Variants in ZNF106 observed in about 807,000 individuals in gnomAD.
The protein encoded by ZNF106 is zinc finger protein 106.
ZNF106 carries 67 observed loss-of-function variants against 195.1 expected under a neutral mutation model. That is an observed-to-expected ratio of 0.34 (90% confidence interval 0.28 to 0.42). ZNF106 has a LOEUF of 0.42. Ranked by LOEUF, ZNF106 falls within the 10% of genes least tolerant of loss-of-function variation. The pLI is 1.00. For synonymous variants in ZNF106, 784 were observed against 818.6 expected (o/e 0.96, Z 0.72); for missense variants, 2,118 against 2,304.5 (o/e 0.92, Z 1.66).
chr15:42,445,572 C>CGTGG, intron 7 of ZNF106, among the ~76,000 whole-genome samples: 1 of 152,352 alleles, frequency 6.6e-6, no homozygotes, highest in South Asian at 2.1e-4. Context: ...TTAAGCTCCA[C>CGTGG]ACCCACATAT....
At chr15:42,471,001 A>C (rs1378448150) in intron 2 of ZNF106, among the ~76,000 whole-genome samples, 1 of 152,226 alleles carries the variant, frequency 6.6e-6, no homozygotes, top group Non-Finnish European at 1.5e-5. Flanking sequence ...GGTGGATCAT[A>C]ATCGACCCTT....
chr15:42,418,532 A>ATTTTTTTTTTTTTTTTTTTTTTT (rs1162999546), intron 20 of ZNF106, among the ~76,000 whole-genome samples: 3 of 96,228 alleles, frequency 3.1e-5, no homozygotes, highest in African/African-American at 1.3e-4. Context: ...CGGCCAGTTA[A>ATTTTTTTTTTTTTTTTTTTTTTT]TTTTTTTTTT....
chr15:42,464,744 G>T (rs376153367), intron 3 of ZNF106, among the ~76,000 whole-genome samples: 1 of 151,866 alleles, frequency 6.6e-6, no homozygotes, highest in Non-Finnish European at 1.5e-5. Context: ...ATATGGTTTG[G>T]CTGTGTCCCC....
chr15:42,438,978 T>TA, intron 11 of ZNF106, 55 bp downstream of exon 11: 1 of 1,523,146 alleles, frequency 6.6e-7, no homozygotes, highest in South Asian at 1.3e-5. Context: ...AAATTCTATT[T>TA]AAAAAAATAA....
intron 3 of ZNF106, among the ~76,000 whole-genome samples, chr15:42,458,465 T>C (rs1009080468): frequency 3.3e-5 from 5 of 150,276 alleles, no homozygotes; most frequent in African/African-American, 9.8e-5. Flanking sequence ...ATCCCAGCAC[T>C]TGGGGAGGCC....
rs1206399091 is a variant in ZNF106, at chr15:42,417,300, A to G, written c.*4T>C. On this transcript the variant is annotated 3_prime_UTR_variant, in exon 22 of 22. Transcript: ENST00000564754. ...TGACTTCCCAACGTGGGAGGCAAAA[A>G]ACTTCATGAATCAATTTTGCTGTCA... 1.2e-6 allele frequency: 2 copies of G among 1,613,938 alleles called. No homozygotes were observed. The highest frequency in any genetic ancestry group is 2.7e-5 in the African/African-American group (2 of 74,906).
chr15:42,455,489 A>G (rs1252600453), intron 4 of ZNF106, among the ~76,000 whole-genome samples: 1 of 152,124 alleles, frequency 6.6e-6, no homozygotes, highest in African/African-American at 2.4e-5. Flanking sequence ...AGGGATGCTC[A>G]CCCTTTACTG....
chr15:42,458,347 A>T (rs889177116), intron 3 of ZNF106, among the ~76,000 whole-genome samples: 1 of 151,706 alleles, frequency 6.6e-6, no homozygotes, highest in Non-Finnish European at 1.5e-5. Context: ...GACCCTCAAA[A>T]CTGGGCACTT....
chr15:42,419,704 C>T (rs2054588489), intron 20 of ZNF106, among the ~76,000 whole-genome samples: 2 of 152,208 alleles, frequency 1.3e-5, no homozygotes, highest in South Asian at 4.1e-4. Context: ...GTCATCCCAG[C>T]ACTTTGGGAG....
intron 17 of ZNF106, 99 bp downstream of exon 17, chr15:42,423,899 T>C: frequency 8.8e-7 from 1 of 1,136,708 alleles, no homozygotes; most frequent in Non-Finnish European, 1.3e-6. Context: ...CTTCGGTGGA[T>C]AAAGGGCTTA....
intron 14 of ZNF106, among the ~76,000 whole-genome samples, chr15:42,435,154 ATATTAT>A (rs756039013): frequency 2.6e-5 from 4 of 152,338 alleles, no homozygotes; most frequent in Admixed American, 2.0e-4. Flanking sequence ...CAAGGAAGGT[ATATTAT>A]TAATAGTAGG....
In ZNF106 at chr15:42,415,269, A is replaced by G. The variant is rs535007351; in HGVS notation, c.*2035T>C. On this transcript the variant is annotated 3_prime_UTR_variant, in exon 22 of 22. Transcript: ENST00000564754. ...CCTGAGTAGCTGAGACTACAGGCAC[A>G]TACCACCACACCCAGCTAATTTTTG... 1.8e-5 allele frequency: 6 copies of G among 341,332 alleles called. No homozygotes were observed. Among genetic ancestry groups the G allele is most frequent in the Middle Eastern group, 1.0e-3 (1 of 960 alleles). 21.1% of individuals were successfully genotyped at this position (341,332 alleles called of 1,614,324 possible). A position where few individuals can be genotyped will look rare whatever the true frequency, so the allele number is the denominator to read the frequency against.
chr15:42,444,942 C>G lies in ZNF106; in HGVS notation c.3245G>C (p.Arg1082Thr), dbSNP rs1567012370. The G allele has an allele frequency of 6.2e-7, 1 of 1,614,160 alleles. No homozygotes were observed. The highest frequency in any genetic ancestry group is 1.7e-5 in the Admixed American group (1 of 60,012). ...CAATGACTTACTAAGTTCTTCCTCC[C>G]TTAAAGAAATATTCAGCAGCTGGTC... ...QVDQLLNISLREEELSKSLQC... is the reference protein window; with the variant it reads ...QVDQLLNISLTEEELSKSLQC... The change falls in exon 8 of 22, where the codon AGG becomes ACG. Residue 1082 changes from arginine to threonine, a missense_variant. Physicochemically the swap from Arg to Thr is moderately conservative, Grantham distance 71. Coordinates refer to ENST00000564754, the MANE Select transcript of ZNF106 (RefSeq NM_001366845.3).
chr15:42,416,435 G>A lies in ZNF106; in HGVS notation c.*869C>T, dbSNP rs966660912. 3.3e-5 allele frequency: 5 copies of A among 152,256 alleles called. No homozygotes were observed. The highest frequency in any genetic ancestry group is 7.3e-5 in the Non-Finnish European group (5 of 68,132). The allele number at this position is 152,256 out of a possible 1,614,324, so 9.4% of individuals were successfully genotyped here. A position where few individuals can be genotyped will look rare whatever the true frequency, so the allele number is the denominator to read the frequency against. The stretch of plus-strand genomic sequence containing the variant: ...AGGCTGGCAACTGAACAAACCAAAA[G>A]GGTTCAAACCAACATTAGGCTTGCA... On this transcript the variant is annotated 3_prime_UTR_variant, in exon 22 of 22. Coordinates refer to ENST00000564754, the MANE Select transcript of ZNF106 (RefSeq NM_001366845.3).
chr15:42,479,131 T>C (rs941784946), intron 1 of ZNF106, among the ~76,000 whole-genome samples: 1 of 152,142 alleles, frequency 6.6e-6, no homozygotes, highest in African/African-American at 2.4e-5. Flanking sequence ...CCCAGTACTT[T>C]GGGAGGCCGA....
intron 1 of ZNF106, among the ~76,000 whole-genome samples, chr15:42,478,457 C>T (rs945340520): frequency 6.6e-6 from 1 of 151,874 alleles, no homozygotes; most frequent in Non-Finnish European, 1.5e-5. Context: ...CCACTGTGCC[C>T]AGCCTGATAC....
At chr15:42,447,986 C>T in intron 6 of ZNF106, 86 bp downstream of exon 6, 2 of 1,433,706 alleles carry the variant, frequency 1.4e-6, no homozygotes, top group Non-Finnish European at 1.9e-6. Context: ...TCCCAGATAC[C>T]CAAGAAAAAC....
chr15:42,434,144 G>A (rs1277221607), intron 14 of ZNF106, among the ~76,000 whole-genome samples: 2 of 152,092 alleles, frequency 1.3e-5, no homozygotes, highest in African/African-American at 2.4e-5. Context: ...ATAGTACCTC[G>A]CCTAGAAATG....
rs754524403 is a variant in ZNF106 at position 42,450,130 on chromosome 15, T to C, written c.2142A>G (p.Thr714=). 1.7e-5 allele frequency: 27 copies of C among 1,614,126 alleles called. No individual in the cohort carries two copies. Among genetic ancestry groups the C allele is most frequent in the Non-Finnish European group, 2.1e-5 (25 of 1,180,056 alleles). The part of the protein sequence containing the change: ...DSIKSHVSYE[T]EGFESASLDA... ...CCAAGCTAGCACTCTCAAAGCCTTCTGTTTCATAAGATACATGAGATTTAA... is the reference window on the plus strand; with the variant it reads ...CCAAGCTAGCACTCTCAAAGCCTTCCGTTTCATAAGATACATGAGATTTAA... Residue 714 remains threonine (T), a synonymous_variant, in exon 5 of 22, where the codon ACA becomes ACG. Transcript: ENST00000564754.
Sources: gnomAD v4.1 joint callset for allele counts (sites outside exome capture counted in the v4.1 genomes callset) on GRCh38, gnomAD v4.1.1 for gene constraint, MANE v1.5 for transcripts, NCBI Gene and HGNC (gene_info 2026-07-23, HGNC 2026-07-21) for gene names.